The following CCNY variants were observed in gnomAD, a reference collection of about 807,000 sequenced individuals.
The protein encoded by CCNY is cyclin-Y.
CCNY carries 19 observed loss-of-function variants against 42.8 expected under a neutral mutation model. That is an observed-to-expected ratio of 0.44 (90% CI 0.31 to 0.65). CCNY has a LOEUF of 0.65. Ranked by LOEUF, CCNY falls within the 30% of genes least tolerant of loss-of-function variation. The probability of loss-of-function intolerance (pLI) is 0.07; values close to 1 mark genes in which losing one functional copy is unlikely to be tolerated. For synonymous variants in CCNY, 165 were observed against 162.7 expected (o/e 1.01, Z -0.11); for missense variants, 370 against 437.3 (o/e 0.85, Z 1.37).
chr10:35,430,059 C>T (rs541105880), intron 1 of CCNY, among the ~76,000 whole-genome samples: 33 of 152,014 alleles, frequency 2.2e-4, no homozygotes, highest in South Asian at 6.2e-4. Flanking sequence ...GATGAGATGC[C>T]GGGCGCGGTG....
chr10:35,535,023 G>A (rs980151299), intron 7 of CCNY, among the ~76,000 whole-genome samples: 1 of 147,620 alleles, frequency 6.8e-6, no homozygotes, highest in African/African-American at 2.6e-5. Context: ...GTGTGTGTGT[G>A]TGTGTGTGTA....
At chr10:35,437,547 G>C (rs1409332487) in intron 1 of CCNY, among the ~76,000 whole-genome samples, 1 of 151,964 alleles carries the variant, frequency 6.6e-6, no homozygotes, top group Non-Finnish European at 1.5e-5. Flanking sequence ...CCAGCTACTT[G>C]GGAGGATGAG....
intron 1 of CCNY, among the ~76,000 whole-genome samples, chr10:35,378,566 A>C (rs953395550): frequency 6.6e-6 from 1 of 151,920 alleles, no homozygotes; most frequent in African/African-American, 2.4e-5. Context: ...GAGAAAAGTT[A>C]GGAGGGTTTT....
At chr10:35,306,036 AT>A (rs1215733444) in intron 3 of CCNY, among the ~76,000 whole-genome samples, 1 of 151,774 alleles carries the variant, frequency 6.6e-6, no homozygotes, top group Non-Finnish European at 1.5e-5. Flanking sequence ...TTCATATGCC[AT>A]TTTTTTTCTT....
chr10:35,416,799 C>T (rs1838034519), intron 1 of CCNY, among the ~76,000 whole-genome samples: 1 of 152,124 alleles, frequency 6.6e-6, no homozygotes, highest in African/African-American at 2.4e-5. Flanking sequence ...GGAGATCACT[C>T]CAGCTGTGAC....
intron 3 of CCNY, chr10:35,320,955 A>T (rs75242729): frequency 1.4e-5 from 2 of 141,680 alleles, no homozygotes; most frequent in Non-Finnish European, 3.1e-5. Flanking sequence ...CAGCAAGACC[A>T]AAAAAAAAAA....
intron 3 of CCNY, among the ~76,000 whole-genome samples, chr10:35,298,153 C>T (rs892463449): frequency 6.6e-6 from 1 of 152,140 alleles, no homozygotes; most frequent in Non-Finnish European, 1.5e-5. Flanking sequence ...GACACATAGA[C>T]CAATGGAACA....
At position 35,445,877 on chromosome 10, in the gene CCNY, TTTTC is replaced by T. The variant is rs766414592; in HGVS notation, c.155-37520_155-37517del. Among the ~76,000 whole-genome samples the T allele has an allele frequency of 3.3e-5, 5 of 152,368 alleles. No homozygotes were observed. In the South Asian group the frequency reaches 6.2e-4, roughly 19 times the overall value. Reference sequence around the variant, plus strand: ...CTGTGCCACATTTGCTTTATCATTTTTTTCTTTCTTACTACTTTTTTTTCTGAAC... The same window carrying T: ...CTGTGCCACATTTGCTTTATCATTTTTTTCTTACTACTTTTTTTTCTGAAC... On this transcript the variant is annotated intron_variant, in intron 1 of 9. Coordinates refer to ENST00000374704, the MANE Select transcript of CCNY (RefSeq NM_145012.6).
chr10:35,349,657 A>G (rs1293594448), intron 1 of CCNY, among the ~76,000 whole-genome samples: 1 of 152,204 alleles, frequency 6.6e-6, no homozygotes, highest in African/African-American at 2.4e-5. Flanking sequence ...TAAGGAAGCT[A>G]TAGCAGGGTT....
intron 1 of CCNY, among the ~76,000 whole-genome samples, chr10:35,388,925 G>A (rs905377574): frequency 1.3e-5 from 2 of 152,212 alleles, no homozygotes; most frequent in African/African-American, 4.8e-5. Context: ...CATGTCTGGA[G>A]TGTACTTCTG....
At chr10:35,540,734 A>C (rs1303832029) in intron 7 of CCNY, among the ~76,000 whole-genome samples, 2 of 152,050 alleles carry the variant, frequency 1.3e-5, no homozygotes, top group Admixed American at 1.3e-4. Context: ...TCTCTTCTTG[A>C]GTCAGTTGCA....
chr10:35,371,838 G>C (rs571758856), intron 1 of CCNY, among the ~76,000 whole-genome samples: 5 of 152,342 alleles, frequency 3.3e-5, no homozygotes, highest in African/African-American at 9.6e-5. Flanking sequence ...ACTTCAAGAT[G>C]AAGAGGATGA....
intron 3 of CCNY, among the ~76,000 whole-genome samples, chr10:35,322,590 T>C (rs1404612275): frequency 6.6e-6 from 1 of 152,044 alleles, no homozygotes; most frequent in Non-Finnish European, 1.5e-5. Context: ...TGGGAGAAAA[T>C]AGTCACACAA....
intron 3 of CCNY, among the ~76,000 whole-genome samples, chr10:35,281,236 A>G (rs773465682): frequency 2.0e-5 from 3 of 152,206 alleles, no homozygotes; most frequent in Non-Finnish European, 4.4e-5. Flanking sequence ...TATGCACCCA[A>G]AAGAAATGGA....
intron 1 of CCNY, among the ~76,000 whole-genome samples, chr10:35,398,937 C>T (rs1202431657): frequency 6.6e-6 from 1 of 152,200 alleles, no homozygotes; most frequent in African/African-American, 2.4e-5. Flanking sequence ...GACAGAGCTG[C>T]CCCTGTGAAG....
intron 1 of CCNY, among the ~76,000 whole-genome samples, chr10:35,441,096 C>T (rs1838657055): frequency 6.6e-6 from 1 of 152,080 alleles, no homozygotes; most frequent in African/African-American, 2.4e-5. Flanking sequence ...AAGGAAGAGT[C>T]CCATAAGGAG....
intron 3 of CCNY, among the ~76,000 whole-genome samples, chr10:35,253,574 G>A (rs1295237393): frequency 6.6e-6 from 1 of 151,614 alleles, no homozygotes; most frequent in Non-Finnish European, 1.5e-5. Flanking sequence ...CACCACACCT[G>A]ATTTTTATCA....
chr10:35,262,064 A>AGAGATCAGGAGTTCGAGAC (rs1565056042), intron 3 of CCNY, among the ~76,000 whole-genome samples: 1 of 150,860 alleles, frequency 6.6e-6, no homozygotes, highest in Non-Finnish European at 1.5e-5. Flanking sequence ...GGAGTTCGAG[A>AGAGATCAGGAGTTCGAGAC]CAGCCTGGGC....
rs1841560423 is a variant in CCNY at position 35,565,921 on chromosome 10, G to A, written c.747-102G>A. On this transcript the variant is annotated intron_variant, in intron 8 of 9. Coordinates refer to ENST00000374704, the MANE Select transcript of CCNY (RefSeq NM_145012.6). ...TACTTAGATCACTGGTCTTCCTGGAGGATGCAGTTTTCTGGAGTCTGGTCT... is the reference window on the plus strand; with the variant it reads ...TACTTAGATCACTGGTCTTCCTGGAAGATGCAGTTTTCTGGAGTCTGGTCT... 40 of 1,133,482 alleles carry A rather than the reference G, an allele frequency of 3.5e-5. 2 individuals are homozygous for A. The South Asian group carries it at 4.4e-4, about 12-fold the overall frequency. 70.2% of individuals were successfully genotyped at this position (1,133,482 alleles called of 1,614,324 possible).
Sources: gnomAD v4.1 joint callset for allele counts (sites outside exome capture counted in the v4.1 genomes callset) on GRCh38, gnomAD v4.1.1 for gene constraint, MANE v1.5 for transcripts, NCBI Gene and HGNC (gene_info 2026-07-23, HGNC 2026-07-21) for gene names.